Variants in TAS2R1 observed in about 807,000 individuals in gnomAD.
The protein encoded by TAS2R1 is taste receptor type 2 member 1.
For missense variants in TAS2R1, 370 were observed against 353.4 expected (o/e 1.05, Z -0.38); for synonymous variants, 141 against 134.2 (o/e 1.05, Z -0.35).
chr5:9,629,954 T>G lies in TAS2R1; in HGVS notation c.79A>C (p.Ile27Leu). 6.2e-7 allele frequency: 1 copy of G among 1,608,428 alleles called. No homozygotes were observed. Among genetic ancestry groups the G allele is most frequent in the Non-Finnish European group, 8.5e-7 (1 of 1,178,208 alleles). Residue 27 changes from isoleucine (I) to leucine (L), a missense_variant, in exon 1 of 1, where the codon ATT becomes CTT. Ile to Leu is a conservative substitution (Grantham distance 5). Coordinates refer to ENST00000382492, the MANE Select transcript of TAS2R1 (RefSeq NM_019599.3). The part of the protein sequence containing the change: ...FLLGIFTNGI[I>L]VVVNGIDLIK... ...AAGTCAATGCCATTCACCACCACAA[T>G]GATGCCATTTGTGAAAATCCCAAGA...
intron 1 of TAS2R1, among the ~76,000 whole-genome samples, chr5:9,684,863 A>G (rs1413154476): frequency 1.3e-5 from 2 of 151,634 alleles, no homozygotes. Context: ...AAGTTAAAGG[A>G]AAAAAAAGAC....
intron 1 of TAS2R1, among the ~76,000 whole-genome samples, chr5:9,700,700 G>A (rs866550897): frequency 1.9e-4 from 28 of 147,548 alleles, no homozygotes; most frequent in Middle Eastern, 3.2e-3. Context: ...CCAAGATCAA[G>A]GTGTCAGCAG....
At chr5:9,735,803 G>T in the TAS2R1 span, among the ~76,000 whole-genome samples, 6 of 152,306 alleles carry the variant, frequency 3.9e-5, no homozygotes, top group South Asian at 1.2e-3. Flanking sequence ...TTAAGAACCT[G>T]CAAAGTTACC....
chr5:9,656,322 T>C (rs373080593), intron 2 of TAS2R1, among the ~76,000 whole-genome samples: 1 of 152,182 alleles, frequency 6.6e-6, no homozygotes, highest in African/African-American at 2.4e-5. Flanking sequence ...TTTCTGAAGA[T>C]GTAGTAGATG....
At chr5:9,896,001 T>C in the TAS2R1 span, among the ~76,000 whole-genome samples, 2 of 152,206 alleles carry the variant, frequency 1.3e-5, no homozygotes, top group Admixed American at 6.5e-5. Flanking sequence ...AAAATTTCTA[T>C]GATGAATGTT....
At chr5:9,632,791 C>T (rs1739892924), upstream of TAS2R1, among the ~76,000 whole-genome samples, 1 of 152,264 alleles carries the variant, frequency 6.6e-6, no homozygotes, top group South Asian at 2.1e-4. Context: ...ATTTCCACCA[C>T]ATCTCCGGCT....
the TAS2R1 span, among the ~76,000 whole-genome samples, chr5:9,850,899 G>A: frequency 6.6e-6 from 1 of 152,210 alleles, no homozygotes; most frequent in African/African-American, 2.4e-5. Context: ...ATTAATTAAA[G>A]AGTCCCAGAC....
At chr5:9,835,684 T>C in the TAS2R1 span, among the ~76,000 whole-genome samples, 9,101 of 152,168 alleles carry the variant, frequency 0.06, 646 homozygotes, top group East Asian at 0.23. Context: ...CTGACAGTCA[T>C]GTCCTGCAAA....
chr5:9,633,831 A>T (rs1739921492), upstream of TAS2R1, among the ~76,000 whole-genome samples: 1 of 151,678 alleles, frequency 6.6e-6, no homozygotes, highest in Non-Finnish European at 1.5e-5. Flanking sequence ...AGTTCCTTGT[A>T]GATTCTGGAT....
chr5:9,803,817 TAAC>T, the TAS2R1 span, among the ~76,000 whole-genome samples: 636 of 152,096 alleles, frequency 4.2e-3, 5 homozygotes, highest in African/African-American at 0.015. Flanking sequence ...CAGGACTATA[TAAC>T]AATAACACAA....
chr5:9,813,412 A>G, the TAS2R1 span, among the ~76,000 whole-genome samples: 1 of 152,172 alleles, frequency 6.6e-6, no homozygotes, highest in African/African-American at 2.4e-5. Context: ...AACTCTAGAA[A>G]AGGATATGTA....
intron 1 of TAS2R1, among the ~76,000 whole-genome samples, chr5:9,700,365 T>A (rs1741454145): frequency 6.6e-6 from 1 of 152,178 alleles, no homozygotes; most frequent in Non-Finnish European, 1.5e-5. Flanking sequence ...ATTGTGATCT[T>A]AGGTAATGTA....
At chr5:9,690,972 C>T (rs961476993) in intron 1 of TAS2R1, among the ~76,000 whole-genome samples, 4 of 152,172 alleles carry the variant, frequency 2.6e-5, no homozygotes, top group Non-Finnish European at 5.9e-5. Context: ...AGGCCTCACT[C>T]GACAAAGTGT....
chr5:9,661,386 A>G (rs1056454823), intron 1 of TAS2R1, among the ~76,000 whole-genome samples: 39 of 152,210 alleles, frequency 2.6e-4, no homozygotes, highest in African/African-American at 5.1e-4. Flanking sequence ...TTTAGGAGTG[A>G]CATAATCCTA....
chr5:9,705,056 C>A (rs1741575149), intron 1 of TAS2R1, among the ~76,000 whole-genome samples: 1 of 151,956 alleles, frequency 6.6e-6, no homozygotes, highest in Non-Finnish European at 1.5e-5. Context: ...GGGAAAAAAA[C>A]CATACAATCA....
chr5:9,629,186 T>C lies in TAS2R1; in HGVS notation c.847A>G (p.Lys283Glu). 1 of 1,591,604 alleles carries C rather than the reference T, an allele frequency of 6.3e-7. No individual in the cohort carries two copies. Among genetic ancestry groups the C allele is most frequent in the Non-Finnish European group, 8.5e-7 (1 of 1,172,130 alleles). ...AACTTTTTTGCATTTTGTTTCAATTTAGGATTTCCTAAAATTAAGATGAGA... is the reference window on the plus strand; with the variant it reads ...AACTTTTTTGCATTTTGTTTCAATTCAGGATTTCCTAAAATTAAGATGAGA... The part of the protein sequence containing the change: ...HSLILILGNP[K>E]LKQNAKKFLL... Residue 283 changes from lysine to glutamate, a missense_variant, in exon 1 of 1, where the codon AAA becomes GAA. Physicochemically the swap from Lys to Glu is moderately conservative, Grantham distance 56 (BLOSUM62 1). Transcript: ENST00000382492.
intron 2 of TAS2R1, among the ~76,000 whole-genome samples, chr5:9,654,597 ATG>A (rs1446474095): frequency 6.6e-6 from 1 of 152,228 alleles, no homozygotes. Flanking sequence ...AAAGGAAAAA[ATG>A]TCCATAAAAT....
chr5:9,858,658 C>A, the TAS2R1 span, among the ~76,000 whole-genome samples: 1 of 152,086 alleles, frequency 6.6e-6, no homozygotes, highest in East Asian at 1.9e-4. Context: ...ATATAATTAA[C>A]AAAATGTCAG....
the TAS2R1 span, among the ~76,000 whole-genome samples, chr5:9,819,453 A>G: frequency 6.6e-6 from 1 of 152,218 alleles, no homozygotes; most frequent in African/African-American, 2.4e-5. Context: ...GAAGTCCCCA[A>G]CTATCTCTGC....
Sources: gnomAD v4.1 joint callset for allele counts (sites outside exome capture counted in the v4.1 genomes callset) on GRCh38, gnomAD v4.1.1 for gene constraint, MANE v1.5 for transcripts, NCBI Gene and HGNC (gene_info 2026-07-23, HGNC 2026-07-21) for gene names.